The following DLGAP2 variants were observed in gnomAD, a reference collection of about 807,000 sequenced individuals.
DLGAP2 encodes the protein DLG associated protein 2.
DLGAP2 carries 26 observed loss-of-function variants against 100.3 expected under a neutral mutation model. That is an observed-to-expected ratio of 0.26 (90% CI 0.19 to 0.36). The LOEUF is 0.36. Ranked by LOEUF, DLGAP2 falls within the 10% of genes least tolerant of loss-of-function variation. The pLI is 1.00. For missense variants in DLGAP2, 1,858 were observed against 1,453.2 expected (o/e 1.28, Z -4.53); for synonymous variants, 886 against 630.1 (o/e 1.41, Z -6.08).
At chr8:1,087,994 A>G (rs894578143) in intron 2 of DLGAP2, among the ~76,000 whole-genome samples, 3 of 152,224 alleles carry the variant, frequency 2.0e-5, no homozygotes, top group African/African-American at 7.2e-5. Flanking sequence ...TCCTGGATAG[A>G]GCTGCACTTC....
chr8:1,252,250 G>C (rs1021297299), intron 2 of DLGAP2, among the ~76,000 whole-genome samples: 2 of 151,664 alleles, frequency 1.3e-5, no homozygotes, highest in African/African-American at 4.9e-5. Flanking sequence ...GTGTTGTCCT[G>C]GGTCGTGGTG....
At chr8:1,466,995 CTT>C (rs1385769511) in intron 3 of DLGAP2, among the ~76,000 whole-genome samples, 3 of 152,092 alleles carry the variant, frequency 2.0e-5, no homozygotes, top group Non-Finnish European at 4.4e-5. Flanking sequence ...AGGCTGAACA[CTT>C]TGAAGCTTCA....
At chr8:1,018,766 T>C (rs1255523971) in intron 2 of DLGAP2, 1 of 152,248 alleles carries the variant, frequency 6.6e-6, no homozygotes, top group Non-Finnish European at 1.5e-5. Context: ...ATTTCAGCAG[T>C]CACTTTAACT....
chr8:894,187 C>T (rs897093202), intron 1 of DLGAP2, among the ~76,000 whole-genome samples: 1 of 152,144 alleles, frequency 6.6e-6, no homozygotes, highest in Non-Finnish European at 1.5e-5. Flanking sequence ...GTGGGAGACG[C>T]CCCCAGAGCA....
At chr8:1,337,426 GTGATGGTGA>G (rs1563091465) in intron 3 of DLGAP2, among the ~76,000 whole-genome samples, 2 of 26,188 alleles carry the variant, frequency 7.6e-5, no homozygotes, top group Non-Finnish European at 2.8e-4. Flanking sequence ...GAGGATGATG[GTGATGGTGA>G]TGATGATGAT....
chr8:808,745 C>T (rs779959522), intron 1 of DLGAP2, among the ~76,000 whole-genome samples: 18 of 152,202 alleles, frequency 1.2e-4, no homozygotes, highest in African/African-American at 2.2e-4. Context: ...ACCCACCTCA[C>T]GCTTGTGGGA....
intron 2 of DLGAP2, among the ~76,000 whole-genome samples, chr8:1,020,390 C>G (rs1801594226): frequency 6.6e-6 from 1 of 152,216 alleles, no homozygotes; most frequent in Admixed American, 6.5e-5. Context: ...ATTCCTATCT[C>G]TAATCCAAGC....
chr8:782,708 T>G (rs1286218176), intron 1 of DLGAP2, among the ~76,000 whole-genome samples: 1 of 152,192 alleles, frequency 6.6e-6, no homozygotes, highest in Non-Finnish European at 1.5e-5. Flanking sequence ...TTTTCTCTAC[T>G]CATCCCTTTT....
chr8:1,350,929 A>T (rs2117106846), intron 3 of DLGAP2, among the ~76,000 whole-genome samples: 1 of 134,470 alleles, frequency 7.4e-6, no homozygotes, highest in African/African-American at 3.0e-5. Flanking sequence ...TGTGTGTGGA[A>T]AGGCCGTGCG....
At chr8:738,564 G>C (rs973405182) in intron 1 of DLGAP2, 1 of 152,246 alleles carries the variant, frequency 6.6e-6, no homozygotes, top group Non-Finnish European at 1.5e-5. Flanking sequence ...TGCTGTCTCC[G>C]GCTCCTTCGC....
intron 2 of DLGAP2, among the ~76,000 whole-genome samples, chr8:1,129,847 C>T (rs956944628): frequency 1.7e-4 from 26 of 152,142 alleles, no homozygotes; most frequent in African/African-American, 6.0e-4. Context: ...CAGTCAGCAA[C>T]CGTGGGCCTT....
chr8:854,843 G>C (rs1797247275), intron 1 of DLGAP2, among the ~76,000 whole-genome samples: 1 of 152,222 alleles, frequency 6.6e-6, no homozygotes, highest in Admixed American at 6.5e-5. Context: ...TGAAGCTCTG[G>C]AGAAAAGCTT....
chr8:1,110,971 G>A (rs1804937810), intron 2 of DLGAP2, among the ~76,000 whole-genome samples: 1 of 152,074 alleles, frequency 6.6e-6, no homozygotes, highest in Non-Finnish European at 1.5e-5. Flanking sequence ...TAAGTCAGAT[G>A]CATCTGCCAG....
chr8:1,164,861 T>C (rs556078106), intron 2 of DLGAP2, among the ~76,000 whole-genome samples: 1 of 152,174 alleles, frequency 6.6e-6, no homozygotes, highest in South Asian at 2.1e-4. Context: ...CTGAGACAGC[T>C]CCAGTCTCTC....
chr8:1,093,529 A>C (rs1359783363), intron 2 of DLGAP2, among the ~76,000 whole-genome samples: 5 of 152,086 alleles, frequency 3.3e-5, no homozygotes, highest in African/African-American at 1.2e-4. Flanking sequence ...AGACCGAAAC[A>C]CCTTCACACC....
At chr8:1,439,859 T>A (rs1031248451) in intron 3 of DLGAP2, among the ~76,000 whole-genome samples, 1 of 152,152 alleles carries the variant, frequency 6.6e-6, no homozygotes, top group Non-Finnish European at 1.5e-5. Context: ...TCTGGAGGCC[T>A]CTTGTGTGAA....
intron 3 of DLGAP2, among the ~76,000 whole-genome samples, chr8:1,387,418 G>A (rs1350501488): frequency 1.3e-5 from 2 of 152,206 alleles, no homozygotes; most frequent in Non-Finnish European, 2.9e-5. Context: ...AGAAGGCTGG[G>A]TTTGGCTACC....
chr8:1,369,686 T>C (rs1272489269), intron 3 of DLGAP2: 2 of 152,260 alleles, frequency 1.3e-5, no homozygotes, highest in African/African-American at 2.4e-5. Flanking sequence ...TGTCCAAATA[T>C]CTAGGCTCTT....
chr8:1,615,873 G>T (rs1431934443), intron 6 of DLGAP2, among the ~76,000 whole-genome samples: 1 of 151,828 alleles, frequency 6.6e-6, no homozygotes, highest in South Asian at 2.1e-4. Flanking sequence ...GAACTCACCA[G>T]AAAGATCTTT....
Sources: allele counts gnomAD v4.1 joint callset (sites outside exome capture counted in the v4.1 genomes callset), GRCh38; gene constraint gnomAD v4.1.1; transcripts MANE v1.5; gene names NCBI Gene and HGNC (gene_info 2026-07-23, HGNC 2026-07-21).